Variants in ZNF462 observed in about 807,000 individuals in gnomAD.
ZNF462 encodes zinc finger PBX1-interacting protein.
ZNF462 carries 10 observed loss-of-function variants against 201.9 expected under a neutral mutation model. The ratio of observed to expected loss-of-function variants is 0.05; its 90% CI spans 0.03 to 0.08. ZNF462 has a LOEUF of 0.08. Ranked by LOEUF, ZNF462 falls within the 10% of genes least tolerant of loss-of-function variation. The probability of loss-of-function intolerance (pLI) is 1.00; values close to 1 mark genes in which losing one functional copy is unlikely to be tolerated. For missense variants in ZNF462, 2,523 were observed against 3,168.3 expected (o/e 0.80, Z 4.89); for synonymous variants, 1,227 against 1,193.3 (o/e 1.03, Z -0.58).
At chr9:106,900,421 A>G (rs1829016272) in intron 1 of ZNF462, among the ~76,000 whole-genome samples, 1 of 152,140 alleles carries the variant, frequency 6.6e-6, no homozygotes, top group East Asian at 1.9e-4. Flanking sequence ...GCTGGATCAA[A>G]TGGTAGTTCT....
chr9:106,988,326 C>T (rs749680696), intron 10 of ZNF462, among the ~76,000 whole-genome samples: 9 of 152,024 alleles, frequency 5.9e-5, no homozygotes, highest in Non-Finnish European at 1.0e-4. Context: ...TCTCATGAGA[C>T]ATTCACTACC....
At chr9:106,940,089 G>T (rs567310955) in intron 7 of ZNF462, among the ~76,000 whole-genome samples, 1 of 152,090 alleles carries the variant, frequency 6.6e-6, no homozygotes, top group Non-Finnish European at 1.5e-5. Context: ...CAAAAGCTTG[G>T]GTTTGAATCT....
intron 7 of ZNF462, among the ~76,000 whole-genome samples, chr9:106,971,366 T>TAAAAAAA (rs71491265): frequency 8.8e-4 from 112 of 126,800 alleles, no homozygotes; most frequent in African/African-American, 3.8e-3. Context: ...CGATTTCCTT[T>TAAAAAAA]AAAAAAAAAA....
chr9:106,877,173 T>G (rs956494145), intron 1 of ZNF462, among the ~76,000 whole-genome samples: 2 of 151,898 alleles, frequency 1.3e-5, no homozygotes. Flanking sequence ...GGTAGCTTTA[T>G]TGGTGGTGGT....
chr9:106,930,309 C>G lies in ZNF462; in HGVS notation c.5848-216C>G, dbSNP rs889592942. On this transcript the variant is annotated intron_variant, in intron 3 of 12. Transcript: ENST00000277225. This position sits in a 1 kb window ranked among gnomAD's most constrained non-coding sequence, Gnocchi z 5.8. ...TCTGCACAGAAATCTTCTCTACTCA[C>G]AAGCCGTAATGTATTTGGGTTTCAA... Among the ~76,000 whole-genome samples, 1 of 152,196 alleles carries G rather than the reference C, an allele frequency of 6.6e-6. No individual in the cohort carries two copies.
intron 1 of ZNF462, among the ~76,000 whole-genome samples, chr9:106,918,882 G>T (rs550282705): frequency 6.6e-6 from 1 of 152,324 alleles, no homozygotes; most frequent in South Asian, 2.1e-4. Context: ...CAAACAACAG[G>T]TGCTAATGAG....
At chr9:106,958,711 C>T (rs180776958) in intron 7 of ZNF462, among the ~76,000 whole-genome samples, 2 of 152,132 alleles carry the variant, frequency 1.3e-5, no homozygotes, top group African/African-American at 4.8e-5. Context: ...CTAAGAAATT[C>T]GCGATAACAT....
chr9:106,965,150 GT>G (rs1832013652), intron 7 of ZNF462, among the ~76,000 whole-genome samples: 1 of 151,628 alleles, frequency 6.6e-6, no homozygotes, highest in African/African-American at 2.4e-5. Context: ...TTTCAGCTGA[GT>G]TTTGAAGGAT....
At chr9:106,997,177 A>G (rs879541604) in intron 10 of ZNF462, among the ~76,000 whole-genome samples, 1 of 152,032 alleles carries the variant, frequency 6.6e-6, no homozygotes, top group Non-Finnish European at 1.5e-5. Flanking sequence ...GTACAATGTG[A>G]TGGTTTGATA....
intron 1 of ZNF462, among the ~76,000 whole-genome samples, chr9:106,864,092 CTCTCTCTCTCTCTCTCT>C (rs1827204421): frequency 7.6e-6 from 1 of 131,104 alleles, no homozygotes; most frequent in African/African-American, 2.9e-5. Flanking sequence ...CTCTCTCTCT[CTCTCTCTCTCTCTCTCT>C]CCCTCTCCCC....
intron 11 of ZNF462, among the ~76,000 whole-genome samples, chr9:107,004,465 G>C (rs906003924): frequency 2.6e-5 from 4 of 152,010 alleles, no homozygotes; most frequent in African/African-American, 9.7e-5. Context: ...GTATTTCCTT[G>C]TACATTCATC....
rs759037330 is a variant in ZNF462 at position 106,913,450 on chromosome 9, T to TA, written c.-30-9898dup. ...ATGCCGGGCCCTGGGGATATAAGAA[T>TA]AAAAAAGAACGTATTACTTGTCCTC... On this transcript the variant is annotated intron_variant, in intron 1 of 12. Transcript: ENST00000277225. The surrounding 1 kb of genome is among the most constrained non-coding windows in gnomAD (Gnocchi z 4.1). Among the ~76,000 whole-genome samples the TA allele has an allele frequency of 1.3e-5, 2 of 152,090 alleles. No individual in the cohort carries two copies. The highest frequency in any genetic ancestry group is 2.9e-5 in the Non-Finnish European group (2 of 68,010).
Position 106,966,052 on chromosome 9 carries a change from T to C in ZNF462, c.6428-5953T>C, listed in dbSNP as rs1832056138. Among the ~76,000 whole-genome samples, 1 of 152,118 alleles carries C rather than the reference T, an allele frequency of 6.6e-6. No homozygotes were observed. The highest frequency in any genetic ancestry group is 2.4e-5 in the African/African-American group (1 of 41,436). Reference sequence around the variant, plus strand: ...GGGTTCTCCCTCAACCTCCTCACTTTGGGCATTTACAATATCTTAAGTTAT... The same window carrying C: ...GGGTTCTCCCTCAACCTCCTCACTTCGGGCATTTACAATATCTTAAGTTAT... On this transcript the variant is annotated intron_variant, in intron 7 of 12. Transcript: ENST00000277225. This position sits in a 1 kb window ranked among gnomAD's most constrained non-coding sequence, Gnocchi z 4.4.
chr9:106,964,420 T>C (rs1831980814), intron 7 of ZNF462, among the ~76,000 whole-genome samples: 2 of 152,118 alleles, frequency 1.3e-5, no homozygotes. Context: ...TGTAAATACA[T>C]GTATTCACCA....
intron 1 of ZNF462, among the ~76,000 whole-genome samples, chr9:106,881,281 G>A (rs2130936752): frequency 6.6e-6 from 1 of 152,294 alleles, no homozygotes; most frequent in Admixed American, 6.5e-5. Flanking sequence ...CTTGATTCTA[G>A]CGCAGAGGAC....
At chr9:106,967,021 C>T (rs916743318) in intron 7 of ZNF462, among the ~76,000 whole-genome samples, 3 of 152,172 alleles carry the variant, frequency 2.0e-5, no homozygotes, top group Non-Finnish European at 2.9e-5. Flanking sequence ...AGGGGGCTGT[C>T]CTCTGCGGCT....
intron 1 of ZNF462, among the ~76,000 whole-genome samples, chr9:106,906,312 G>C (rs1384717689): frequency 2.6e-5 from 4 of 152,124 alleles, no homozygotes; most frequent in Admixed American, 6.6e-5. Context: ...TGGGATTGCT[G>C]GTTTGTTCTT....
intron 1 of ZNF462, among the ~76,000 whole-genome samples, chr9:106,916,565 G>GC (rs1201464060): frequency 2.0e-5 from 3 of 152,176 alleles, no homozygotes; most frequent in Non-Finnish European, 4.4e-5. Flanking sequence ...GCGAGGTTTA[G>GC]CTCTGGGGGG....
chr9:107,002,765 A>C (rs1829290813), intron 10 of ZNF462, among the ~76,000 whole-genome samples: 1 of 152,188 alleles, frequency 6.6e-6, no homozygotes, highest in African/African-American at 2.4e-5. Context: ...TTCCATTTAA[A>C]CTAGAGTTAA....
Sources: allele counts gnomAD v4.1 joint callset (sites outside exome capture counted in the v4.1 genomes callset), GRCh38; gene constraint gnomAD v4.1.1; non-coding constraint Gnocchi (gnomAD v3.1); transcripts MANE v1.5; gene names NCBI Gene and HGNC (gene_info 2026-07-23, HGNC 2026-07-21).